Variants in SLC43A2 observed in about 807,000 individuals in gnomAD.
The protein encoded by SLC43A2 is solute carrier family 43 member 2, also known as large neutral amino acids transporter small subunit 4.
SLC43A2 carries 38 observed loss-of-function variants against 63.2 expected under a neutral mutation model. That is an observed-to-expected ratio of 0.60 (90% confidence interval 0.46 to 0.79). SLC43A2 has a LOEUF of 0.79. Among genes scored for constraint, SLC43A2 ranks in the 30% least tolerant of loss-of-function variants. The pLI, the probability that SLC43A2 is intolerant of heterozygous loss-of-function variation, is 0.00. For missense variants in SLC43A2, 644 were observed against 756.2 expected (o/e 0.85, Z 1.74); for synonymous variants, 322 against 331.0 (o/e 0.97, Z 0.30).
chr17:1,581,805 A>T (rs1033227836), intron 11 of SLC43A2, among the ~76,000 whole-genome samples: 3 of 149,326 alleles, frequency 2.0e-5, no homozygotes, highest in African/African-American at 7.4e-5. Context: ...AAAGAAATTC[A>T]GTTTTTTTTT....
chr17:1,577,332 G>A lies in SLC43A2; in HGVS notation c.1425-612C>T, dbSNP rs2075949643. Among the ~76,000 whole-genome samples, 1 of 152,230 alleles carries A rather than the reference G, an allele frequency of 6.6e-6. No homozygotes were observed. Among genetic ancestry groups the A allele is most frequent in the South Asian group, 2.1e-4 (1 of 4,834 alleles). ...GCGGTTTGGGAAACAGGCCCAGAGA[G>A]GAGTGTGGAGGCTGGGCTTGGCTCT... On this transcript the variant is annotated intron_variant, in intron 12 of 13. Transcript: ENST00000301335. The surrounding 1 kb of genome is among the most constrained non-coding windows in gnomAD (Gnocchi z 4.9).
rs1208448341 is a variant in SLC43A2 at position 1,573,560 on chromosome 17, GAATA to G, written c.*2040_*2043del. 1.3e-5 allele frequency: 2 copies of G among 152,192 alleles called. No homozygotes were observed. The highest frequency in any genetic ancestry group is 2.9e-5 in the Non-Finnish European group (2 of 68,042). The allele number at this position is 152,192 out of a possible 1,614,324, so 9.4% of individuals were successfully genotyped here. ...GACTATAATACTTTCTTGAAAATCA[GAATA>G]ACCACTAACATCACAAAACGAGTGT... On this transcript the variant is annotated 3_prime_UTR_variant, in exon 14 of 14. Transcript: ENST00000301335.
chr17:1,585,960 C>T lies in SLC43A2; in HGVS notation c.1170G>A (p.Lys390=). The T allele has an allele frequency of 1.9e-6, 3 of 1,613,518 alleles. No individual in the cohort carries two copies. The highest frequency in any genetic ancestry group is 1.1e-5 in the South Asian group (1 of 91,084). Residue 390 remains lysine (K), a synonymous_variant, in exon 10 of 14, where the codon AAG becomes AAA. Transcript: ENST00000301335. ...GCTCCTCGGAGGCGTCTTCACACTC[C>T]TTCAGCCTCCAGTCCATGATGTAGC... ...VIGYIMDWRL[K]ECEDASEEPE...
intron 13 of SLC43A2, among the ~76,000 whole-genome samples, chr17:1,576,041 C>T (rs2151025645): frequency 6.6e-6 from 1 of 151,606 alleles, no homozygotes; most frequent in East Asian, 1.9e-4. Flanking sequence ...AAATCTGGCC[C>T]TCGGAGGTGG....
At chr17:1,623,996 C>A (rs74338769) in intron 2 of SLC43A2, among the ~76,000 whole-genome samples, 1 of 152,210 alleles carries the variant, frequency 6.6e-6, no homozygotes, top group South Asian at 2.1e-4. Flanking sequence ...TAGCTCCTGG[C>A]GCCCTGCTTT....
At position 1,576,697 on chromosome 17, in the gene SLC43A2, C is replaced by A; in HGVS notation, c.1448G>T (p.Ser483Ile). ...AAVYPSTQFGSLTGLQSLISA... is the reference protein window; with the variant it reads ...AAVYPSTQFGILTGLQSLISA... Reference sequence around the variant, plus strand: ...GATCAGAGACTGCAGTCCCGTGAGGCTGCCGAACTGGGTGGAGGGGTACCT... The same window carrying A: ...GATCAGAGACTGCAGTCCCGTGAGGATGCCGAACTGGGTGGAGGGGTACCT... Residue 483 changes from serine to isoleucine, a missense_variant, in exon 13 of 14, where the codon AGC (serine) becomes ATC (isoleucine). Physicochemically the swap from Ser to Ile is moderately radical, Grantham distance 142. This residue lies in a region of SLC43A2 where 11 missense variants were observed against 30.9 expected (regional missense o/e 0.36). Transcript: ENST00000301335. 6.2e-7 allele frequency: 1 copy of A among 1,610,608 alleles called. No homozygotes were observed.
Position 1,571,363 on chromosome 17 carries a change from G to C in SLC43A2, c.*4241C>G, listed in dbSNP as rs1012768298. 1 of 152,366 alleles carries C rather than the reference G, an allele frequency of 6.6e-6. No homozygotes were observed. Among genetic ancestry groups the C allele is most frequent in the African/African-American group, 2.4e-5 (1 of 41,476 alleles). 9.4% of individuals were successfully genotyped at this position (152,366 alleles called of 1,614,324 possible). A position where few individuals can be genotyped will look rare whatever the true frequency, so the allele number is the denominator to read the frequency against. ...GCCCCCAGTCGTTGGCACAGATAAGGGGAGCTGCTGCTGAAGGAGCCCGAC... is the reference window on the plus strand; with the variant it reads ...GCCCCCAGTCGTTGGCACAGATAAGCGGAGCTGCTGCTGAAGGAGCCCGAC... On this transcript the variant is annotated 3_prime_UTR_variant, in exon 14 of 14. Coordinates refer to ENST00000301335, the MANE Select transcript of SLC43A2 (RefSeq NM_152346.3). The surrounding 1 kb of genome is among the most constrained non-coding windows in gnomAD (Gnocchi z 5.2).
intron 5 of SLC43A2, among the ~76,000 whole-genome samples, chr17:1,609,798 G>C (rs1484812736): frequency 6.7e-6 from 1 of 150,278 alleles, no homozygotes; most frequent in East Asian, 1.9e-4. Flanking sequence ...TAAGGGAAAA[G>C]GCAAGTTATC....
chr17:1,614,880 G>A lies in SLC43A2; in HGVS notation c.424+99C>T, dbSNP rs944692007. On this transcript the variant is annotated intron_variant, in intron 4 of 13. Coordinates refer to ENST00000301335, the MANE Select transcript of SLC43A2 (RefSeq NM_152346.3). ...TCCCCTCTAACTTGAGCAGGGAGCA[G>A]CAGGCCCAGGACAGTGTCCAAGAGC... The A allele has an allele frequency of 3.2e-5, 38 of 1,205,738 alleles. No homozygotes were observed. In the East Asian group the frequency reaches 8.7e-4, roughly 28 times the overall value. 74.7% of individuals were successfully genotyped at this position (1,205,738 alleles called of 1,614,324 possible).
At chr17:1,609,033 C>T (rs950617588) in intron 5 of SLC43A2, among the ~76,000 whole-genome samples, 5 of 152,066 alleles carry the variant, frequency 3.3e-5, no homozygotes, top group Non-Finnish European at 7.4e-5. Flanking sequence ...TGCAATTTAC[C>T]AATAAAGAGG....
chr17:1,605,007 C>T lies in SLC43A2; in HGVS notation c.501+8188G>A. Reference sequence around the variant, plus strand: ...CTCGAGGGCTGGCGGAGGGGAAGGACCCCAGGAGGGGAAGGACCAGCTTTG... The same window carrying T: ...CTCGAGGGCTGGCGGAGGGGAAGGATCCCAGGAGGGGAAGGACCAGCTTTG... On this transcript the variant is annotated intron_variant, in intron 5 of 13. Transcript: ENST00000301335. This position sits in a 1 kb window ranked among gnomAD's most constrained non-coding sequence, Gnocchi z 4.9. 12 of 1,433,350 alleles carry T rather than the reference C, an allele frequency of 8.4e-6. No homozygotes were observed. The South Asian group carries it at 1.8e-4, about 21-fold the overall frequency. 88.8% of individuals were successfully genotyped at this position (1,433,350 alleles called of 1,614,324 possible).
At chr17:1,611,560 G>C (rs761346926) in intron 5 of SLC43A2, among the ~76,000 whole-genome samples, 1 of 151,822 alleles carries the variant, frequency 6.6e-6, no homozygotes, top group African/African-American at 2.4e-5. Context: ...GCCTGAACCC[G>C]GGAGGCGGAG....
At chr17:1,616,877 T>A in intron 2 of SLC43A2, 108 bp from the exon 3 acceptor site, 1 of 1,316,420 alleles carries the variant, frequency 7.6e-7, no homozygotes, top group Non-Finnish European at 1.0e-6. Context: ...ATGCCAGGGC[T>A]GGCTGGCGGC....
intron 3 of SLC43A2, chr17:1,616,238 C>A: frequency 3.1e-6 from 1 of 322,820 alleles, no homozygotes; most frequent in Non-Finnish European, 5.7e-6. Flanking sequence ...TTGAGGGAAG[C>A]ATGTCTCACA....
chr17:1,585,212 T>C (rs2076083131), intron 10 of SLC43A2: 4 of 994,344 alleles, frequency 4.0e-6, no homozygotes, highest in South Asian at 4.4e-5. Context: ...CCTGTGTCTC[T>C]TTTTCTTCCT....
intron 9 of SLC43A2, among the ~76,000 whole-genome samples, chr17:1,588,884 C>T (rs1421795330): frequency 2.6e-5 from 4 of 152,296 alleles, no homozygotes; most frequent in South Asian, 2.1e-4. Flanking sequence ...GCCTCTGCCG[C>T]GGGTGGTCGC....
At chr17:1,624,016 C>T (rs1160667635) in intron 2 of SLC43A2, among the ~76,000 whole-genome samples, 1 of 152,248 alleles carries the variant, frequency 6.6e-6, no homozygotes, top group Non-Finnish European at 1.5e-5. Flanking sequence ...TCTTGGGGGC[C>T]CGACCACCCC....
At position 1,605,274 on chromosome 17, in the gene SLC43A2, G is replaced by T; in HGVS notation, c.501+7921C>A. ...CCCTGGCTGCAGCATAAACAGGCCG[G>T]ACTGTGTGACCTTCCCAGAGGGGAA... On this transcript the variant is annotated intron_variant, in intron 5 of 13. Transcript: ENST00000301335. This position sits in a 1 kb window ranked among gnomAD's most constrained non-coding sequence, Gnocchi z 4.9. 1 of 1,042,172 alleles carries T rather than the reference G, an allele frequency of 9.6e-7. No homozygotes were observed. The allele number at this position is 1,042,172 out of a possible 1,614,324, so 64.6% of individuals were successfully genotyped here.
rs1235980272 is a variant in SLC43A2 at position 1,570,679 on chromosome 17, G to A, written c.*4925C>T. 6.6e-6 allele frequency: 1 copy of A among 150,698 alleles called. No homozygotes were observed. The highest frequency in any genetic ancestry group is 1.5e-5 in the Non-Finnish European group (1 of 67,708). The allele number at this position is 150,698 out of a possible 1,614,324, so 9.3% of individuals were successfully genotyped here. On this transcript the variant is annotated 3_prime_UTR_variant, in exon 14 of 14. Coordinates refer to ENST00000301335, the MANE Select transcript of SLC43A2 (RefSeq NM_152346.3). The stretch of plus-strand genomic sequence containing the variant: ...TTTTTTGTATTTTTAGTAGAGACGG[G>A]GTTTCACCGTTTTAGCCGGGATGGT...
Sources: gnomAD v4.1 joint callset for allele counts (sites outside exome capture counted in the v4.1 genomes callset) on GRCh38, gnomAD v4.1.1 for gene constraint, gnomAD v4.1.1 regional missense constraint, Gnocchi (gnomAD v3.1) non-coding constraint, MANE v1.5 for transcripts, NCBI Gene and HGNC (gene_info 2026-07-23, HGNC 2026-07-21) for gene names.